Variants in DST observed in about 807,000 individuals in gnomAD.
The protein encoded by DST is dystonin, also known as bullous pemphigoid antigen.
In DST, 253 loss-of-function variants were observed where a neutral mutation model predicts 875.2. That is an observed-to-expected ratio of 0.29 (90% CI 0.26 to 0.32). DST has a LOEUF of 0.32. Among genes scored for constraint, DST ranks in the 10% least tolerant of loss-of-function variants. DST has a pLI of 1.00. For synonymous variants in DST, 3,124 were observed against 3,197.1 expected, an observed-to-expected ratio of 0.98 and a Z score of 0.77; for missense variants, 8,287 against 9,111.6, an observed-to-expected ratio of 0.91 and a Z score of 3.68.
rs1292265673 is a variant in DST, at chr6:56,634,918, A to G, written c.3222T>C (p.Thr1074=). 1 of 1,613,310 alleles carries G rather than the reference A, an allele frequency of 6.2e-7. No homozygotes were observed. Among genetic ancestry groups the G allele is most frequent in the Non-Finnish European group, 8.5e-7 (1 of 1,179,678 alleles). The change falls in exon 25 of 104, where the codon ACT becomes ACC. Residue 1074 remains threonine, a synonymous_variant. Transcript: ENST00000680361. The part of the protein sequence containing the change: ...EKEELLQYKS[T]IANLMGKAKT... ...TTGCTTTTCCCATTAGGTTTGCTAT[A>G]GTGCTTTTGTACTGCAGAAGTTCTT...
intron 3 of DST, among the ~76,000 whole-genome samples, chr6:56,881,334 T>A (rs73457800): frequency 0.29 from 44,650 of 151,568 alleles, 8,589 homozygotes; most frequent in African/African-American, 0.55. Flanking sequence ...TTAGCCGGGC[T>A]TGGTGAGACA....
intron 3 of DST, among the ~76,000 whole-genome samples, chr6:56,896,003 G>C (rs1791012333): frequency 1.8e-5 from 1 of 55,894 alleles, no homozygotes; most frequent in Non-Finnish European, 3.2e-5. Context: ...AGAGGGAGAG[G>C]GAGACGGGAG....
At chr6:56,501,285 T>C in intron 79 of DST, 50 bp from the exon 80 acceptor site, 1 of 1,524,968 alleles carries the variant, frequency 6.6e-7, no homozygotes, top group Non-Finnish European at 8.8e-7. Flanking sequence ...ATATTATGAA[T>C]GACATGTCTA....
At chr6:56,845,524 C>A (rs772666197) in intron 4 of DST, among the ~76,000 whole-genome samples, 13 of 152,228 alleles carry the variant, frequency 8.5e-5, no homozygotes, top group Non-Finnish European at 1.8e-4. Context: ...CCCAGTAAGT[C>A]TTTAAGGTTA....
chr6:56,605,813 T>C lies in DST; in HGVS notation c.8815A>G (p.Ile2939Val). ...CTGATATTATTATTATCATGTGAAA[T>C]ACTTGCAGGGCCAAAAGTTTTTTCA... ...ESEKTFGPAS[I>V]SHDNNNISST... The change falls in exon 40 of 104, where the codon ATT becomes GTT. Residue 2939 changes from isoleucine (I) to valine (V), a missense_variant. By Grantham distance (29) the Ile-to-Val change is conservative. Coordinates refer to ENST00000680361, the MANE Select transcript of DST (RefSeq NM_001374736.1). The C allele has an allele frequency of 1.2e-6, 2 of 1,612,522 alleles. No individual in the cohort carries two copies. The highest frequency in any genetic ancestry group is 8.5e-7 in the Non-Finnish European group (1 of 1,179,194).
intron 4 of DST, among the ~76,000 whole-genome samples, chr6:56,764,365 C>T (rs2099627248): frequency 6.6e-6 from 1 of 152,184 alleles, no homozygotes; most frequent in Non-Finnish European, 1.5e-5. Context: ...TTTTCTTTCA[C>T]TTTCTTTGGT....
In DST at chr6:56,601,651, G is replaced by T. The variant is rs758836314; in HGVS notation, c.11333C>A (p.Thr3778Asn). The T allele has an allele frequency of 1.7e-5, 27 of 1,587,084 alleles. No homozygotes were observed. The highest frequency in any genetic ancestry group is 2.1e-5 in the Non-Finnish European group (25 of 1,165,428). Residue 3778 changes from threonine to asparagine, a missense_variant, in exon 44 of 104, where the codon ACC (threonine) becomes AAC (asparagine). Physicochemically the swap from Thr to Asn is moderately conservative, Grantham distance 65. This residue lies in a region of DST where 3,138 missense variants were observed against 3,116.6 expected (regional missense o/e 1.01). Transcript: ENST00000680361. ...LKNVLKDLGH[T>N]KMQLETTAFD... The stretch of plus-strand genomic sequence containing the variant: ...GGCAGTAGTCTCCAGCTGCATTTTG[G>T]TATGTCCAAGGTCTTTTAATACATT...
At chr6:56,733,618 A>AT (rs1420069423) in intron 5 of DST, among the ~76,000 whole-genome samples, 1 of 152,178 alleles carries the variant, frequency 6.6e-6, no homozygotes, top group African/African-American at 2.4e-5. Flanking sequence ...ACACACCACC[A>AT]TTTACCTGAC....
chr6:56,851,885 G>A (rs977722496), intron 3 of DST: 6 of 1,549,416 alleles, frequency 3.9e-6, no homozygotes, highest in African/African-American at 1.4e-5. Flanking sequence ...CTGTGGTCCG[G>A]CCACCAGCTC....
chr6:56,756,497 A>G (rs528474951), intron 4 of DST, among the ~76,000 whole-genome samples: 1 of 152,246 alleles, frequency 6.6e-6, no homozygotes, highest in East Asian at 1.9e-4. Context: ...GGCATCCAAG[A>G]CAGAAAAGGG....
At chr6:56,850,394 A>G (rs1235188908) in intron 4 of DST, among the ~76,000 whole-genome samples, 1 of 148,296 alleles carries the variant, frequency 6.7e-6, no homozygotes, top group Non-Finnish European at 1.5e-5. Context: ...CAACTTTGCA[A>G]TACAGTATAG....
intron 49 of DST, among the ~76,000 whole-genome samples, chr6:56,587,256 T>A (rs915021627): frequency 2.4e-4 from 37 of 151,878 alleles, no homozygotes; most frequent in South Asian, 6.3e-4. Flanking sequence ...GAGAACTACG[T>A]GAAGAATGCA....
At chr6:56,580,555 AAAATAAATAAAT>A (rs3031091) in intron 49 of DST, among the ~76,000 whole-genome samples, 1 of 146,498 alleles carries the variant, frequency 6.8e-6, no homozygotes, top group Non-Finnish European at 1.5e-5. Flanking sequence ...CTACTTTCTT[AAAATAAATAAAT>A]AAATAAATAA....
chr6:56,597,153 T>A (rs2098399024), intron 47 of DST, among the ~76,000 whole-genome samples: 1 of 151,536 alleles, frequency 6.6e-6, no homozygotes, highest in Non-Finnish European at 1.5e-5. Flanking sequence ...GGTGGGAGGA[T>A]CAATTGGGCC....
intron 69 of DST, among the ~76,000 whole-genome samples, chr6:56,522,008 G>A (rs1046123094): frequency 2.6e-5 from 4 of 152,058 alleles, no homozygotes; most frequent in Non-Finnish European, 4.4e-5. Flanking sequence ...AGCATCAGAG[G>A]AGCCGAACCA....
At chr6:56,528,952 T>A in intron 66 of DST, 27 bp from the exon 67 acceptor site, 1 of 1,442,716 alleles carries the variant, frequency 6.9e-7, no homozygotes, top group Non-Finnish European at 9.6e-7. Flanking sequence ...CATTTTTATG[T>A]GGGGGGAAAA....
rs200915036 is a variant in DST at position 56,578,922 on chromosome 6, T to G, written c.12919A>C (p.Ile4307Leu). Reference sequence around the variant, plus strand: ...TCTACAGCAACCTGCTGACTTGATATCTGTCCTTGCAAAGCCTGTAGGATT... The same window carrying G: ...TCTACAGCAACCTGCTGACTTGATAGCTGTCCTTGCAAAGCCTGTAGGATT... ...LEETKALQGQ[I>L]SSQQVAVEKL... The change falls in exon 50 of 104, where the codon ATA (isoleucine) becomes CTA (leucine). Residue 4307 changes from isoleucine to leucine, a missense_variant. Transcript: ENST00000680361. 3 of 1,598,240 alleles carry G rather than the reference T, an allele frequency of 1.9e-6. No homozygotes were observed. The highest frequency in any genetic ancestry group is 2.6e-6 in the Non-Finnish European group (3 of 1,171,568).
intron 36 of DST, chr6:56,620,103 CTTTCAACTGTT>C: frequency 6.2e-7 from 1 of 1,613,638 alleles, no homozygotes; most frequent in Non-Finnish European, 8.5e-7. Context: ...TTCTGCTTTT[CTTTCAACTGTT>C]TCTCTGCTAC....
chr6:56,943,508 C>T (rs1817800838), intron 2 of DST, among the ~76,000 whole-genome samples: 1 of 151,236 alleles, frequency 6.6e-6, no homozygotes, highest in East Asian at 2.0e-4. Flanking sequence ...GCTCAGCTCA[C>T]CGTAACCTCC....
Sources: allele counts gnomAD v4.1 joint callset (sites outside exome capture counted in the v4.1 genomes callset), GRCh38; gene constraint gnomAD v4.1.1; regional missense constraint gnomAD v4.1.1; transcripts MANE v1.5; gene names NCBI Gene and HGNC (gene_info 2026-07-23, HGNC 2026-07-21).